Variants in LTBP1 observed in about 807,000 individuals in gnomAD.
LTBP1 encodes the protein latent transforming growth factor beta binding protein 1.
Under a neutral mutation model 207.6 loss-of-function variants are expected in LTBP1, and 129 were observed. The observed-to-expected ratio is 0.62, with a 90% CI of 0.54 to 0.72. The LOEUF (loss-of-function observed/expected upper bound fraction) is 0.72. LTBP1 is among the 30% of genes least tolerant of loss of function. The pLI is 0.00. For missense variants in LTBP1, 2,281 were observed against 2,217.2 expected, an observed-to-expected ratio of 1.03 and a Z score of -0.58; for synonymous variants, 963 against 833.7, an observed-to-expected ratio of 1.16 and a Z score of -2.67.
At chr2:33,398,001 T>C (rs1018060027) in intron 33 of LTBP1, among the ~76,000 whole-genome samples, 11 of 152,166 alleles carry the variant, frequency 7.2e-5, no homozygotes, top group African/African-American at 2.4e-4. Flanking sequence ...ACAGGCTGTA[T>C]GGAGAGGCCT....
At chr2:33,356,004 G>A (rs1215967621) in intron 26 of LTBP1, among the ~76,000 whole-genome samples, 1 of 151,206 alleles carries the variant, frequency 6.6e-6, no homozygotes, top group African/African-American at 2.4e-5. Context: ...TCCACTTTCT[G>A]TTACCGAACA....
intron 3 of LTBP1, among the ~76,000 whole-genome samples, chr2:33,036,086 T>A (rs1038863572): frequency 2.6e-5 from 4 of 152,266 alleles, no homozygotes; most frequent in African/African-American, 7.2e-5. Flanking sequence ...CTTCTGAGAC[T>A]TGCTTTTCTT....
At chr2:33,066,783 G>T (rs1380512721) in intron 3 of LTBP1, among the ~76,000 whole-genome samples, 1 of 152,182 alleles carries the variant, frequency 6.6e-6, no homozygotes, top group East Asian at 1.9e-4. Flanking sequence ...AGGTAAATTT[G>T]CAAGTGACTC....
chr2:32,992,477 G>A (rs1342755649), intron 2 of LTBP1, among the ~76,000 whole-genome samples: 1 of 152,200 alleles, frequency 6.6e-6, no homozygotes, highest in African/African-American at 2.4e-5. Context: ...TGCTCAGCAT[G>A]TAGGATGCTT....
chr2:33,172,078 G>A (rs371912548), intron 5 of LTBP1, among the ~76,000 whole-genome samples: 1 of 152,138 alleles, frequency 6.6e-6, no homozygotes, highest in Non-Finnish European at 1.5e-5. Context: ...GACCATCGAG[G>A]CTAGGAAGAA....
At chr2:33,152,490 C>T (rs1208476867) in intron 5 of LTBP1, among the ~76,000 whole-genome samples, 1 of 152,140 alleles carries the variant, frequency 6.6e-6, no homozygotes, top group African/African-American at 2.4e-5. Context: ...AGTATAGCCA[C>T]TATAGAAAAC....
In LTBP1 at chr2:33,387,299, C is replaced by T. The variant is rs1441534745; in HGVS notation, c.4712-1885C>T. Among the ~76,000 whole-genome samples, 6 of 152,222 alleles carry T rather than the reference C, an allele frequency of 3.9e-5. No individual in the cohort carries two copies. In the East Asian group the frequency reaches 7.7e-4, roughly 20 times the overall value. ...GTAAACATTTCAGCAATCTTGCTCT[C>T]GCAAAGAAATCCTTAATTCTGCGTT... On this transcript the variant is annotated intron_variant, in intron 31 of 33. Transcript: ENST00000404816.
chr2:33,386,438 C>T (rs1014171126), intron 31 of LTBP1, among the ~76,000 whole-genome samples: 1 of 152,136 alleles, frequency 6.6e-6, no homozygotes, highest in Non-Finnish European at 1.5e-5. Context: ...TCATGGCATT[C>T]GACATCCCCG....
chr2:33,259,628 T>C lies in LTBP1; in HGVS notation c.2418+18T>C. ...CTGAAAAGGTAATTTATTCATTGCTTGCAAGTCTTTTTTTTTCAACGCTCA... is the reference window on the plus strand; with the variant it reads ...CTGAAAAGGTAATTTATTCATTGCTCGCAAGTCTTTTTTTTTCAACGCTCA... On this transcript the variant is annotated intron_variant, in intron 13 of 33. Coordinates refer to ENST00000404816, the MANE Select transcript of LTBP1 (RefSeq NM_206943.4). The C allele has an allele frequency of 6.3e-7, 1 of 1,596,028 alleles. No individual in the cohort carries two copies.
rs535607568 is a variant in LTBP1, at chr2:33,217,497, G to A, written c.1702-55G>A. 1.1e-4 allele frequency: 139 copies of A among 1,233,596 alleles called. 1 individual carries two copies. In the African/African-American group the frequency reaches 1.9e-3, roughly 17 times the overall value. The allele number at this position is 1,233,596 out of a possible 1,614,324, so 76.4% of individuals were successfully genotyped here. A position where few individuals can be genotyped will look rare whatever the true frequency, so the allele number is the denominator to read the frequency against. ...GGCTGTGAGGGACAGCAGTGCTCTG[G>A]GGCTGGGCATCCTGCACTCAATTAA... is the stretch of plus-strand genomic sequence containing the variant. On this transcript the variant is annotated intron_variant, in intron 7 of 33. Coordinates refer to ENST00000404816, the MANE Select transcript of LTBP1 (RefSeq NM_206943.4).
intron 32 of LTBP1, among the ~76,000 whole-genome samples, chr2:33,391,554 A>G (rs1281395771): frequency 1.3e-5 from 2 of 152,178 alleles, no homozygotes; most frequent in Non-Finnish European, 2.9e-5. Flanking sequence ...CGTGGCTTAC[A>G]GCTTTCCTCC....
Position 32,947,790 on chromosome 2 carries a change from C to A in LTBP1, c.466C>A (p.Gln156Lys). ...ETQSGGGSRLQVHQKQQLQGV... is the reference protein window; with the variant it reads ...ETQSGGGSRLKVHQKQQLQGV... ...CCAGAGCGGCGGAGGCTCTAGGCTG[C>A]AGGTTCACCAGAAGCAGCAGCTGCA... is the stretch of plus-strand genomic sequence containing the variant. The change falls in exon 1 of 34, where the codon CAG becomes AAG. Residue 156 changes from glutamine (Q) to lysine (K), a missense_variant. Coordinates refer to ENST00000404816, the MANE Select transcript of LTBP1 (RefSeq NM_206943.4). 6.8e-7 allele frequency: 1 copy of A among 1,478,762 alleles called. No individual in the cohort carries two copies. Among genetic ancestry groups the A allele is most frequent in the Non-Finnish European group, 9.0e-7 (1 of 1,110,730 alleles). 91.6% of individuals were successfully genotyped at this position (1,478,762 alleles called of 1,614,324 possible).
intron 5 of LTBP1, among the ~76,000 whole-genome samples, chr2:33,136,580 C>T (rs1186013190): frequency 2.0e-5 from 3 of 152,052 alleles, no homozygotes; most frequent in Admixed American, 6.5e-5. Flanking sequence ...GATGGCTTTT[C>T]ACCACTTTAT....
At chr2:33,363,330 T>C in intron 28 of LTBP1, 60 bp from the exon 29 acceptor site, 1 of 1,581,284 alleles carries the variant, frequency 6.3e-7, no homozygotes, top group South Asian at 1.1e-5. Flanking sequence ...GGTTAGACTC[T>C]TTTTAATTGA....
In LTBP1 at chr2:33,280,117, C is replaced by T; in HGVS notation, c.3071C>T (p.Pro1024Leu). The T allele has an allele frequency of 6.2e-7, 1 of 1,614,046 alleles. No individual in the cohort carries two copies. The highest frequency in any genetic ancestry group is 8.5e-7 in the Non-Finnish European group (1 of 1,179,936). ...VNSPGSYQCV[P>L]CTEGFRGWNG... is the part of the protein sequence containing the mutation. Reference sequence around the variant, plus strand: ...TCTCCTGGATCTTACCAGTGCGTTCCCTGCACAGAAGGATTCCGAGGCTGG... The same window carrying T: ...TCTCCTGGATCTTACCAGTGCGTTCTCTGCACAGAAGGATTCCGAGGCTGG... Residue 1024 changes from proline (P) to leucine (L), a missense_variant, in exon 19 of 34, where the codon CCC becomes CTC. This residue lies in a region of LTBP1 where 1,671 missense variants were observed against 1,634.8 expected (regional missense o/e 1.02). Transcript: ENST00000404816.
chr2:33,106,795 C>G (rs2080091309), intron 3 of LTBP1, among the ~76,000 whole-genome samples: 1 of 152,186 alleles, frequency 6.6e-6, no homozygotes, highest in Non-Finnish European at 1.5e-5. Flanking sequence ...TTGGCTTCAA[C>G]TTAAAGTCAT....
Position 33,364,379 on chromosome 2 carries a change from C to T in LTBP1, c.4540+23C>T, listed in dbSNP as rs367839270. ...ACGGTATGTTTCCAGGAGATGCAAA[C>T]CTGTGTCCAAATAACTATCATAAGA... On this transcript the variant is annotated intron_variant, in intron 30 of 33. Coordinates refer to ENST00000404816, the MANE Select transcript of LTBP1 (RefSeq NM_206943.4). The T allele has an allele frequency of 2.1e-5, 33 of 1,593,340 alleles. No homozygotes were observed. In the African/African-American group the frequency reaches 4.1e-4, roughly 20 times the overall value.
intron 3 of LTBP1, among the ~76,000 whole-genome samples, chr2:33,082,755 A>G (rs139643271): frequency 1.1e-3 from 165 of 152,212 alleles, no homozygotes; most frequent in African/African-American, 3.3e-3. Context: ...CTCCGTTTAT[A>G]TTTCAGGCTC....
intron 2 of LTBP1, among the ~76,000 whole-genome samples, chr2:32,997,563 G>A (rs1573001422): frequency 1.3e-5 from 2 of 152,074 alleles, no homozygotes; most frequent in Non-Finnish European, 1.5e-5. Flanking sequence ...AATGGAGAGC[G>A]GCTTCCCCTG....
Sources: gnomAD v4.1 joint callset for allele counts (sites outside exome capture counted in the v4.1 genomes callset) on GRCh38, gnomAD v4.1.1 for gene constraint, gnomAD v4.1.1 regional missense constraint, MANE v1.5 for transcripts, NCBI Gene and HGNC (gene_info 2026-07-23, HGNC 2026-07-21) for gene names.